Variants in SLC33A2 observed in about 807,000 individuals in gnomAD.
SLC33A2 encodes major facilitator superfamily domain containing 3.
At chr8:144,510,211 C>G in the SLC33A2 span, 2 of 1,339,014 alleles carry the variant, frequency 1.5e-6, no homozygotes, top group Non-Finnish European at 2.0e-6. Flanking sequence ...CATCCCTGAG[C>G]GCTCTCTCGG....
the SLC33A2 span, chr8:144,510,327 C>T: frequency 1.9e-6 from 3 of 1,608,362 alleles, no homozygotes; most frequent in Non-Finnish European, 2.5e-6. Flanking sequence ...AGATATGGAA[C>T]CTCCCGTGCT....
chr8:144,509,598 C>T, the SLC33A2 span: 1 of 1,544,422 alleles, frequency 6.5e-7, no homozygotes, highest in African/African-American at 1.4e-5. Context: ...CGGGCTGCCC[C>T]CTCCTGGAGC....
At chr8:144,510,256 G>C in the SLC33A2 span, 1 of 1,527,712 alleles carries the variant, frequency 6.5e-7, no homozygotes, top group Non-Finnish European at 8.8e-7. Context: ...CTGCAGCTCT[G>C]GAACACTGAG....
the SLC33A2 span, chr8:144,510,875 G>A: frequency 6.2e-7 from 1 of 1,608,186 alleles, no homozygotes; most frequent in Non-Finnish European, 8.5e-7. Context: ...ATGATGCGCT[G>A]CAGCCAGCTG....
the SLC33A2 span, chr8:144,511,009 C>T: frequency 1.9e-6 from 3 of 1,601,854 alleles, no homozygotes; most frequent in Non-Finnish European, 2.5e-6. Context: ...CTACAGCCTT[C>T]TGGCCACGCT....
the SLC33A2 span, chr8:144,510,294 G>C: frequency 6.3e-7 from 1 of 1,594,278 alleles, no homozygotes; most frequent in South Asian, 1.1e-5. Flanking sequence ...GAGGGCCCAG[G>C]TGGGGAGAAG....
chr8:144,510,064 G>C, the SLC33A2 span: 2 of 1,554,654 alleles, frequency 1.3e-6, no homozygotes, highest in Non-Finnish European at 1.7e-6. Flanking sequence ...TTCCGGGACA[G>C]CTCCAGGTGT....
At chr8:144,509,913 C>T in the SLC33A2 span, 17 of 1,562,926 alleles carry the variant, frequency 1.1e-5, no homozygotes, top group African/African-American at 1.4e-5. Context: ...CCCACAGCAG[C>T]CCCCTTCCGA....
At chr8:144,510,566 C>T in the SLC33A2 span, 1 of 1,598,142 alleles carries the variant, frequency 6.3e-7, no homozygotes, top group Non-Finnish European at 8.6e-7. Flanking sequence ...CCCCAATCCA[C>T]TATACTGACC....
the SLC33A2 span, chr8:144,510,703 C>T: frequency 2.7e-4 from 430 of 1,574,376 alleles, 6 homozygotes; most frequent in East Asian, 8.8e-3. Flanking sequence ...CCAGCATGGA[C>T]GCTGGCACAA....
At chr8:144,510,499 C>T in the SLC33A2 span, 9 of 1,612,520 alleles carry the variant, frequency 5.6e-6, no homozygotes, top group African/African-American at 1.3e-5. Flanking sequence ...CCTTGCTGGC[C>T]AAGCACTGGT....
chr8:144,510,648 T>G, the SLC33A2 span: 2 of 1,561,464 alleles, frequency 1.3e-6, no homozygotes, highest in Non-Finnish European at 1.7e-6. Context: ...CTCGGGGGCC[T>G]AGCCTGTCAG....
At chr8:144,510,123 A>G in the SLC33A2 span, 1 of 1,377,664 alleles carries the variant, frequency 7.3e-7, no homozygotes, top group Non-Finnish European at 9.8e-7. Flanking sequence ...TTTCTGGGGT[A>G]TGACCTGCAA....
At chr8:144,510,565 A>G in the SLC33A2 span, 1 of 1,606,334 alleles carries the variant, frequency 6.2e-7, no homozygotes. Context: ...CCCCCAATCC[A>G]CTATACTGAC....
chr8:144,510,010 A>G, the SLC33A2 span: 4 of 1,594,130 alleles, frequency 2.5e-6, no homozygotes, highest in East Asian at 2.2e-5. Context: ...CTCACCTACA[A>G]GCTGGGTGAG....
the SLC33A2 span, chr8:144,509,594 GC>G: frequency 6.5e-7 from 1 of 1,539,652 alleles, no homozygotes; most frequent in South Asian, 1.2e-5. Context: ...TTGCCGGGCT[GC>G]CCCCTCCTGG....
At chr8:144,511,185 A>C in the SLC33A2 span, 1 of 1,603,000 alleles carries the variant, frequency 6.2e-7, no homozygotes, top group Middle Eastern at 1.7e-4. Flanking sequence ...TGGAGTGGTC[A>C]ATAAAGCCAC....
chr8:144,509,539 G>C, the SLC33A2 span: 1 of 1,523,216 alleles, frequency 6.6e-7, no homozygotes, highest in Non-Finnish European at 8.8e-7. Context: ...GCGAGGGCCT[G>C]GGTGACGCGC....
At chr8:144,510,956 G>T in the SLC33A2 span, 1 of 1,599,546 alleles carries the variant, frequency 6.3e-7, no homozygotes, top group Non-Finnish European at 8.5e-7. Flanking sequence ...GGGCTGTGTG[G>T]GCCTGACCTT....
Sources: allele counts gnomAD v4.1 joint callset, GRCh38; gene constraint gnomAD v4.1.1; transcripts MANE v1.5; gene names NCBI Gene and HGNC (gene_info 2026-07-23, HGNC 2026-07-21).